Variants in KIF26B observed in about 807,000 individuals in gnomAD.
KIF26B encodes kinesin-like protein KIF26B.
Under a neutral mutation model 151.2 loss-of-function variants are expected in KIF26B, and 63 were observed. The observed-to-expected ratio is 0.42, with a 90% CI of 0.34 to 0.51. KIF26B has a LOEUF of 0.51. Among genes scored for constraint, KIF26B ranks in the 20% least tolerant of loss-of-function variants. The probability of loss-of-function intolerance (pLI) is 0.07; values close to 1 mark genes in which losing one functional copy is unlikely to be tolerated. For missense variants in KIF26B, 2,813 were observed against 2,913.6 expected (o/e 0.97, Z 0.79); for synonymous variants, 1,357 against 1,262.1 (o/e 1.08, Z -1.59).
chr1:245,277,631 CA>C (rs1425058988), intron 2 of KIF26B, among the ~76,000 whole-genome samples: 1 of 152,000 alleles, frequency 6.6e-6, no homozygotes, highest in East Asian at 1.9e-4. Context: ...AACAAACAAA[CA>C]AAAACCACTT....
intron 10 of KIF26B, among the ~76,000 whole-genome samples, chr1:245,681,310 C>T (rs180945265): frequency 1.5e-3 from 235 of 151,770 alleles, no homozygotes; most frequent in Admixed American, 2.6e-3. Flanking sequence ...CCCGGGTTCA[C>T]GCCATTCTCC....
At chr1:245,199,667 G>A (rs1312142485) in intron 2 of KIF26B, among the ~76,000 whole-genome samples, 1 of 152,068 alleles carries the variant, frequency 6.6e-6, no homozygotes, top group African/African-American at 2.4e-5. Context: ...TGTTTAAATA[G>A]AGATGGGGTT....
rs1321899477 is a variant in KIF26B, at chr1:245,706,194, T to A, written c.*3588T>A. On this transcript the variant is annotated 3_prime_UTR_variant, in exon 15 of 15. Coordinates refer to ENST00000407071, the MANE Select transcript of KIF26B (RefSeq NM_018012.4). ...GACTTCAGTCCAGCCGCATCTACCA[T>A]CCAGGGTGGAGGTTCAAAAAGTCTT... 2 of 152,202 alleles carry A rather than the reference T, an allele frequency of 1.3e-5. No homozygotes were observed. Among genetic ancestry groups the A allele is most frequent in the African/African-American group, 4.8e-5 (2 of 41,450 alleles). The allele number at this position is 152,202 out of a possible 1,614,324, so 9.4% of individuals were successfully genotyped here.
intron 2 of KIF26B, among the ~76,000 whole-genome samples, chr1:245,342,909 A>T (rs1045334042): frequency 1.3e-5 from 2 of 152,046 alleles, no homozygotes; most frequent in Non-Finnish European, 2.9e-5. Flanking sequence ...AACATGGTGA[A>T]ACCCCGTCTC....
In KIF26B at chr1:245,545,449, G is replaced by A. The variant is rs561922481; in HGVS notation, c.1350+4499G>A. Among the ~76,000 whole-genome samples, 78 of 152,292 alleles carry A rather than the reference G, an allele frequency of 5.1e-4. 1 individual carries two copies. The South Asian group carries it at 0.016, about 31-fold the overall frequency. ...CCTACTAGGTGTTAGGTACTGTGCT[G>A]AGCGGTAGGCTTAGGTTTGAAATAA... On this transcript the variant is annotated intron_variant, in intron 5 of 14. Coordinates refer to ENST00000407071, the MANE Select transcript of KIF26B (RefSeq NM_018012.4).
At chr1:245,374,210 C>T (rs390010) in intron 3 of KIF26B, among the ~76,000 whole-genome samples, 1 of 136,588 alleles carries the variant, frequency 7.3e-6, no homozygotes. Context: ...AGGACCTCTG[C>T]GGTGCATAAC....
chr1:245,390,943 A>AAAAAAAAACAAAACAAAAC lies in KIF26B; in HGVS notation c.999+23584_999+23585insCAAAACAAAACAAAAAAAA, dbSNP rs1553270133. Reference sequence around the variant, plus strand: ...TCTCAAAAAAAAAAAAAAAAAAAAAAAAAAAAAAACCACCATAAAATTTTG... The same window carrying AAAAAAAAACAAAACAAAAC: ...TCTCAAAAAAAAAAAAAAAAAAAAAAAAAAAAAACAAAACAAAACAAAAAAAAACCACCATAAAATTTTG... On this transcript the variant is annotated intron_variant, in intron 3 of 14. Transcript: ENST00000407071. Among the ~76,000 whole-genome samples the AAAAAAAAACAAAACAAAAC allele has an allele frequency of 5.6e-3, 659 of 118,338 alleles. 32 individuals are homozygous for AAAAAAAAACAAAACAAAAC. The highest frequency in any genetic ancestry group is 0.033 in the East Asian group (114 of 3,482). 77.6% of individuals were successfully genotyped at this position (118,338 alleles called of 152,430 possible).
At chr1:245,266,651 C>T (rs1049284721) in intron 2 of KIF26B, among the ~76,000 whole-genome samples, 3 of 152,044 alleles carry the variant, frequency 2.0e-5, no homozygotes, top group Non-Finnish European at 2.9e-5. Context: ...GGACTACAGG[C>T]GCCTACCACC....
At chr1:245,555,850 G>T (rs983278676) in intron 5 of KIF26B, among the ~76,000 whole-genome samples, 1 of 152,110 alleles carries the variant, frequency 6.6e-6, no homozygotes, top group Non-Finnish European at 1.5e-5. Flanking sequence ...GACTTGGGGG[G>T]GTTCATTTTG....
At chr1:245,272,782 A>T (rs1467972297) in intron 2 of KIF26B, among the ~76,000 whole-genome samples, 1 of 152,020 alleles carries the variant, frequency 6.6e-6, no homozygotes, top group African/African-American at 2.4e-5. Flanking sequence ...TCTTTGACTC[A>T]GTGGTTAAGA....
intron 2 of KIF26B, among the ~76,000 whole-genome samples, chr1:245,307,083 T>C (rs1042159341): frequency 6.6e-6 from 1 of 152,218 alleles, no homozygotes; most frequent in East Asian, 1.9e-4. Flanking sequence ...CAGGGTATTA[T>C]TATTATCTGT....
chr1:245,371,813 C>T (rs1032612982), intron 3 of KIF26B: 3 of 152,018 alleles, frequency 2.0e-5, no homozygotes, highest in African/African-American at 7.2e-5. Context: ...AGGAATCGAT[C>T]CAGAGAGATT....
At chr1:245,467,445 A>G (rs755596537) in intron 4 of KIF26B, among the ~76,000 whole-genome samples, 1 of 152,152 alleles carries the variant, frequency 6.6e-6, no homozygotes, top group Admixed American at 6.5e-5. Flanking sequence ...GTCTTCTTCT[A>G]TCAGTGAAGC....
chr1:245,300,675 T>C lies in KIF26B; in HGVS notation c.466-66159T>C, dbSNP rs146021693. Among the ~76,000 whole-genome samples the C allele has an allele frequency of 9.9e-3, 1,479 of 149,688 alleles. 28 individuals are homozygous for C. Among genetic ancestry groups the C allele is most frequent in the African/African-American group, 0.034 (1,400 of 40,630 alleles). On this transcript the variant is annotated intron_variant, in intron 2 of 14. Transcript: ENST00000407071. ...TCCTGAGTAGCTGGGATTACAGGTG[T>C]ACACCACCACACCTGGCTAATTTTT...
At chr1:245,246,823 A>G (rs1247683655) in intron 2 of KIF26B, among the ~76,000 whole-genome samples, 2 of 151,456 alleles carry the variant, frequency 1.3e-5, no homozygotes, top group Non-Finnish European at 1.5e-5. Flanking sequence ...GAGACATTAT[A>G]ATATATATAG....
intron 2 of KIF26B, among the ~76,000 whole-genome samples, chr1:245,277,978 C>T (rs900000547): frequency 5.9e-5 from 9 of 151,918 alleles, no homozygotes; most frequent in Non-Finnish European, 8.8e-5. Context: ...ATTTCACTGA[C>T]GGCTCATGGC....
intron 5 of KIF26B, among the ~76,000 whole-genome samples, chr1:245,585,206 A>G (rs1272924119): frequency 6.6e-6 from 1 of 152,226 alleles, no homozygotes; most frequent in Non-Finnish European, 1.5e-5. Flanking sequence ...GTGTTTCAAC[A>G]TGAAGTCTGA....
chr1:245,484,388 G>A (rs1660230791), intron 4 of KIF26B, among the ~76,000 whole-genome samples: 1 of 151,776 alleles, frequency 6.6e-6, no homozygotes, highest in Non-Finnish European at 1.5e-5. Flanking sequence ...AAGTAAAGGG[G>A]CCTGATTGTG....
intron 2 of KIF26B, among the ~76,000 whole-genome samples, chr1:245,245,175 CAG>C (rs1300610486): frequency 6.6e-6 from 1 of 152,160 alleles, no homozygotes; most frequent in Non-Finnish European, 1.5e-5. Context: ...CTGCAGATGT[CAG>C]AGCTGTCCAT....
Sources: allele counts gnomAD v4.1 joint callset (sites outside exome capture counted in the v4.1 genomes callset), GRCh38; gene constraint gnomAD v4.1.1; transcripts MANE v1.5; gene names NCBI Gene and HGNC (gene_info 2026-07-23, HGNC 2026-07-21).